FNTA: variants seen among roughly 807,000 people sequenced by gnomAD.
The protein encoded by FNTA is protein farnesyltransferase/geranylgeranyltransferase type-1 subunit alpha.
Under a neutral mutation model 55.2 loss-of-function variants are expected in FNTA, and 27 were observed. That is an observed-to-expected ratio of 0.49 (90% CI 0.36 to 0.67). The LOEUF is 0.67. Ranked by LOEUF, FNTA falls within the 30% of genes least tolerant of loss-of-function variation. The pLI, the probability that FNTA is intolerant of heterozygous loss-of-function variation, is 0.00. For synonymous variants in FNTA, 176 were observed against 170.7 expected (o/e 1.03, Z -0.24); for missense variants, 422 against 464.7 (o/e 0.91, Z 0.85).
intron 7 of FNTA, chr8:43,084,486 T>G (rs563720226): frequency 5.3e-6 from 2 of 378,448 alleles, no homozygotes; most frequent in Admixed American, 4.6e-5. Context: ...TTTCCCAGAG[T>G]GTTTCCCAGG....
At chr8:43,080,923 TAGAAAC>T (rs1201591749) in intron 6 of FNTA, 1 of 152,212 alleles carries the variant, frequency 6.6e-6, no homozygotes, top group Non-Finnish European at 1.5e-5. Context: ...TGTTGCCAAA[TAGAAAC>T]AGAAATAATT....
chr8:43,085,176 C>A lies in FNTA; in HGVS notation c.1034C>A (p.Ala345Asp). 6.5e-7 allele frequency: 1 copy of A among 1,546,062 alleles called. No homozygotes were observed. Among genetic ancestry groups the A allele is most frequent in the Non-Finnish European group, 8.8e-7 (1 of 1,138,308 alleles). Residue 345 changes from alanine to aspartate, a missense_variant, in exon 9 of 9, where the codon GCT (alanine) becomes GAT (aspartate). Ala to Asp is a moderately radical substitution (Grantham distance 126, BLOSUM62 -2). Transcript: ENST00000302279. ...CATTTTCAGTTATGTGAAATCCTAGCTAAAGAAAAGGACACTATAAGAAAG... is the reference window on the plus strand; with the variant it reads ...CATTTTCAGTTATGTGAAATCCTAGATAAAGAAAAGGACACTATAAGAAAG... ...NKALELCEIL[A>D]KEKDTIRKEY...
At chr8:43,056,693 G>T in intron 1 of FNTA, 147 bp downstream of exon 1, 1 of 382,710 alleles carries the variant, frequency 2.6e-6, no homozygotes, top group South Asian at 1.2e-4. Context: ...GGGCCCGGGC[G>T]GCTGCCGGGA....
intron 6 of FNTA, chr8:43,080,346 T>C (rs766822829): frequency 1.3e-5 from 2 of 152,332 alleles, no homozygotes; most frequent in African/African-American, 2.4e-5. Flanking sequence ...GCCATCAACA[T>C]GGAGGCCAGA....
At chr8:43,084,541 A>T in intron 7 of FNTA, 169 bp from the exon 8 acceptor site, 2 of 573,440 alleles carry the variant, frequency 3.5e-6, no homozygotes, top group East Asian at 6.1e-5. Flanking sequence ...CTAATGATCT[A>T]TGATAAGACT....
chr8:43,063,564 A>C (rs769188512), intron 2 of FNTA, among the ~76,000 whole-genome samples: 11 of 152,188 alleles, frequency 7.2e-5, no homozygotes, highest in Non-Finnish European at 1.6e-4. Context: ...TCTCGTTTGC[A>C]TAAAAATGAA....
chr8:43,073,383 G>C (rs942153061), intron 5 of FNTA: 1 of 152,120 alleles, frequency 6.6e-6, no homozygotes, highest in Non-Finnish European at 1.5e-5. Flanking sequence ...ATCATAAAAG[G>C]TTCGTATGAG....
intron 1 of FNTA, among the ~76,000 whole-genome samples, chr8:43,057,698 C>T (rs1348278598): frequency 6.6e-6 from 1 of 152,186 alleles, no homozygotes. Flanking sequence ...TGGCTCACGC[C>T]TGTAATCCCA....
In FNTA at chr8:43,085,650, G is replaced by A. The variant is rs931564420; in HGVS notation, c.*368G>A. 13 of 201,120 alleles carry A rather than the reference G, an allele frequency of 6.5e-5. No homozygotes were observed. Among genetic ancestry groups the A allele is most frequent in the Non-Finnish European group, 1.3e-4 (13 of 101,300 alleles). 12.5% of individuals were successfully genotyped at this position (201,120 alleles called of 1,614,324 possible). A position where few individuals can be genotyped will look rare whatever the true frequency, so the allele number is the denominator to read the frequency against. ...TGTATGTAATGGATGTGAGGTAGCC[G>A]AAGTTTGGTTCAGTAAGCAGGGAAT... On this transcript the variant is annotated 3_prime_UTR_variant, in exon 9 of 9. Coordinates refer to ENST00000302279, the MANE Select transcript of FNTA (RefSeq NM_002027.3).
intron 3 of FNTA, among the ~76,000 whole-genome samples, chr8:43,066,460 C>T (rs934898963): frequency 4.1e-5 from 6 of 147,104 alleles, no homozygotes; most frequent in African/African-American, 1.1e-4. Context: ...GGGGTTTCAC[C>T]GTGTTAGCCA....
At chr8:43,064,453 C>T (rs184561822) in intron 3 of FNTA, among the ~76,000 whole-genome samples, 6 of 151,972 alleles carry the variant, frequency 3.9e-5, no homozygotes, top group African/African-American at 9.7e-5. Flanking sequence ...GCTGGGATTA[C>T]GGGCGCCCAC....
rs767603793 is a variant in FNTA at position 43,064,157 on chromosome 8, C to T, written c.343C>T (p.Arg115Ter). Residue 115 changes from arginine to a stop codon, truncating the protein, a stop_gained, in exon 3 of 9, where the codon CGA (arginine) becomes TGA (stop). Coordinates refer to ENST00000302279, the MANE Select transcript of FNTA (RefSeq NM_002027.3). LOFTEE classifies it high-confidence loss of function. Reference protein sequence around the residue: ...AVLQRDERSERAFKLTRDAIE... With the variant: ...AVLQRDERSE Reference sequence around the variant, plus strand: ...CCTGCAGCGTGATGAAAGAAGTGAACGAGCTTTTAAGCTAACCCGGGATGC... The same window carrying T: ...CCTGCAGCGTGATGAAAGAAGTGAATGAGCTTTTAAGCTAACCCGGGATGC... 5 of 1,613,948 alleles carry T rather than the reference C, an allele frequency of 3.1e-6. No individual in the cohort carries two copies. Among genetic ancestry groups the T allele is most frequent in the Non-Finnish European group, 3.4e-6 (4 of 1,179,964 alleles).
At chr8:43,081,152 G>A (rs1586661852) in intron 6 of FNTA, 1 of 151,028 alleles carries the variant, frequency 6.6e-6, no homozygotes, top group South Asian at 2.1e-4. Flanking sequence ...TGTAGTTATG[G>A]GGGGGGAAAT....
chr8:43,081,086 T>C (rs1811016964), intron 6 of FNTA: 1 of 152,170 alleles, frequency 6.6e-6, no homozygotes, highest in Non-Finnish European at 1.5e-5. Context: ...CATACACAGA[T>C]AGATGTACAT....
rs1450332819 is a variant in FNTA at position 43,056,489 on chromosome 8, C to T, written c.143C>T (p.Ala48Val). The change falls in exon 1 of 9, where the codon GCG (alanine) becomes GTG (valine). Residue 48 changes from alanine to valine, a missense_variant. By Grantham distance (64) the Ala-to-Val change is moderately conservative (BLOSUM62 0). This residue lies in a region of FNTA where 160 missense variants were observed against 121.6 expected (regional missense o/e 1.32). Transcript: ENST00000302279. ...GCGGCCGAGGCTGGGGAAGCCGTGGCGTCCCCCATGGACGACGGGTTTGTG... is the reference window on the plus strand; with the variant it reads ...GCGGCCGAGGCTGGGGAAGCCGTGGTGTCCCCCATGGACGACGGGTTTGTG... ...EMAAEAGEAVASPMDDGFVSL... is the reference protein window; with the variant it reads ...EMAAEAGEAVVSPMDDGFVSL... The T allele has an allele frequency of 5.7e-6, 9 of 1,572,352 alleles. No homozygotes were observed. The African/African-American group carries it at 9.8e-5, about 17-fold the overall frequency.
chr8:43,056,608 C>T, intron 1 of FNTA, 62 bp downstream of exon 1: 1 of 1,112,834 alleles, frequency 9.0e-7, no homozygotes, highest in Non-Finnish European at 1.1e-6. Flanking sequence ...GCCCCAAGAC[C>T]CGCGGCGCGC....
chr8:43,066,613 T>TGTGTGTG (rs59567255), intron 3 of FNTA, among the ~76,000 whole-genome samples: 1 of 151,680 alleles, frequency 6.6e-6, no homozygotes, highest in Non-Finnish European at 1.5e-5. Flanking sequence ...TGTGTGTGTG[T>TGTGTGTG]TTAATTTCAT....
intron 7 of FNTA, among the ~76,000 whole-genome samples, chr8:43,083,548 C>T (rs532472952): frequency 6.6e-6 from 1 of 152,280 alleles, no homozygotes; most frequent in African/African-American, 2.4e-5. Context: ...GGGCAGCCAA[C>T]CTTTCTGTTT....
At chr8:43,077,481 G>A (rs779302936) in intron 6 of FNTA, 117 bp downstream of exon 6, 11 of 641,274 alleles carry the variant, frequency 1.7e-5, no homozygotes, top group Admixed American at 2.9e-5. Context: ...AAAGAGGACA[G>A]AGTACTGAGT....
Sources: allele counts gnomAD v4.1 joint callset (sites outside exome capture counted in the v4.1 genomes callset), GRCh38; gene constraint gnomAD v4.1.1; regional missense constraint gnomAD v4.1.1; transcripts MANE v1.5; gene names NCBI Gene and HGNC (gene_info 2026-07-23, HGNC 2026-07-21).